The following BPNT1 variants were observed in gnomAD, a reference collection of about 807,000 sequenced individuals.
BPNT1 encodes 3'(2'),5'-bisphosphate nucleotidase 1.
BPNT1 carries 28 observed loss-of-function variants against 36.9 expected under a neutral mutation model. The ratio of observed to expected loss-of-function variants is 0.76; its 90% CI spans 0.56 to 1.04. The LOEUF (loss-of-function observed/expected upper bound fraction) is 1.04, where lower values mean the gene tolerates loss of function less well. Among genes scored for constraint, BPNT1 ranks in the 50% least tolerant of loss-of-function variants. BPNT1 has a pLI of 0.00. For synonymous variants in BPNT1, 119 were observed against 130.9 expected (o/e 0.91, Z 0.62); for missense variants, 313 against 372.9 (o/e 0.84, Z 1.32).
chr1:220,082,029 T>C (rs1349995202), intron 1 of BPNT1, among the ~76,000 whole-genome samples: 1 of 143,948 alleles, frequency 6.9e-6, no homozygotes, highest in Non-Finnish European at 1.5e-5. Flanking sequence ...CATTATTTCA[T>C]CGCAATAAGG....
At chr1:220,077,057 G>A (rs1398822258) in intron 2 of BPNT1, among the ~76,000 whole-genome samples, 1 of 152,096 alleles carries the variant, frequency 6.6e-6, no homozygotes, top group African/African-American at 2.4e-5. Context: ...TTTTAAAACT[G>A]TATGTTATTT....
intron 2 of BPNT1, among the ~76,000 whole-genome samples, chr1:220,075,267 C>T (rs1664442604): frequency 6.6e-6 from 1 of 152,174 alleles, no homozygotes; most frequent in Non-Finnish European, 1.5e-5. Context: ...TGGTCTCAAA[C>T]TCCTGACCTC....
chr1:220,080,773 T>A (rs1415226558), intron 1 of BPNT1, among the ~76,000 whole-genome samples: 1 of 152,178 alleles, frequency 6.6e-6, no homozygotes, highest in Non-Finnish European at 1.5e-5. Context: ...TGCATATAAC[T>A]ACAATTATTT....
intron 4 of BPNT1, among the ~76,000 whole-genome samples, chr1:220,070,406 C>T (rs1211484480): frequency 2.0e-5 from 3 of 152,014 alleles, no homozygotes; most frequent in East Asian, 1.9e-4. Flanking sequence ...AGTGCAGTGG[C>T]GCGATCTCGG....
intron 3 of BPNT1, among the ~76,000 whole-genome samples, chr1:220,073,514 G>C (rs935656691): frequency 6.6e-6 from 1 of 152,024 alleles, no homozygotes; most frequent in Non-Finnish European, 1.5e-5. Context: ...GGCTGGTCTT[G>C]AACTCCTGAC....
At position 220,067,295 on chromosome 1, in the gene BPNT1, G is replaced by C. The variant is rs753972410; in HGVS notation, c.474+7C>G. On this transcript the variant is annotated splice_region_variant and intron_variant, in intron 6 of 8. Transcript: ENST00000322067. ...ATGAAATTACTTTGTATCATTTATA[G>C]TAATACCTCATAGTTGTAATATGGC... The C allele has an allele frequency of 4.5e-6, 7 of 1,546,590 alleles. No homozygotes were observed. The highest frequency in any genetic ancestry group is 6.2e-6 in the Non-Finnish European group (7 of 1,123,974).
At chr1:220,060,687 G>C (rs1419791693) in intron 7 of BPNT1, among the ~76,000 whole-genome samples, 1 of 151,838 alleles carries the variant, frequency 6.6e-6, no homozygotes, top group Non-Finnish European at 1.5e-5. Context: ...AAAAATATTT[G>C]AAGAGATTTA....
chr1:220,088,478 C>CAAAAAA (rs58383315), intron 1 of BPNT1, among the ~76,000 whole-genome samples: 2 of 65,534 alleles, frequency 3.1e-5, no homozygotes, highest in Middle Eastern at 9.3e-3. Flanking sequence ...GACTCCGACT[C>CAAAAAA]AAAAAAAAAA....
chr1:220,078,399 T>TATAAATAATAATTTATAATA (rs1196500301), intron 2 of BPNT1, among the ~76,000 whole-genome samples: 2 of 141,996 alleles, frequency 1.4e-5, no homozygotes, highest in East Asian at 3.9e-4. Context: ...TATAATTATA[T>TATAAATAATAATTTATAATA]ATAAATAATA....
chr1:220,062,995 GAGA>G (rs1178466332), intron 6 of BPNT1, 41 bp from the exon 7 acceptor site: 1 of 1,585,002 alleles, frequency 6.3e-7, no homozygotes, highest in African/African-American at 1.3e-5. Flanking sequence ...TGGTTATTTG[GAGA>G]AGAACGTTAG....
chr1:220,086,740 T>C (rs1026372799), intron 1 of BPNT1, among the ~76,000 whole-genome samples: 5 of 151,450 alleles, frequency 3.3e-5, no homozygotes, highest in African/African-American at 1.2e-4. Flanking sequence ...CATGCCAGGC[T>C]AATTTTTGTA....
intron 6 of BPNT1, among the ~76,000 whole-genome samples, chr1:220,065,414 A>G (rs531659012): frequency 6.6e-6 from 1 of 152,306 alleles, no homozygotes; most frequent in African/African-American, 2.4e-5. Flanking sequence ...TTAAGCTTCA[A>G]TGGTTAAGAA....
intron 1 of BPNT1, among the ~76,000 whole-genome samples, chr1:220,084,057 G>T (rs1327604667): frequency 1.3e-5 from 2 of 152,140 alleles, no homozygotes; most frequent in African/African-American, 2.4e-5. Flanking sequence ...ATAGGGCGGG[G>T]CGCAGTGGCT....
intron 2 of BPNT1, 136 bp downstream of exon 2, chr1:220,079,591 C>G: frequency 9.3e-7 from 1 of 1,079,846 alleles, no homozygotes; most frequent in Non-Finnish European, 1.3e-6. Flanking sequence ...CCCTTTAGAA[C>G]CAAGCGTCTT....
At chr1:220,063,204 C>T (rs1159570631) in intron 6 of BPNT1, among the ~76,000 whole-genome samples, 1 of 151,932 alleles carries the variant, frequency 6.6e-6, no homozygotes, top group Non-Finnish European at 1.5e-5. Flanking sequence ...AAAAATTAGC[C>T]GGGCATGGTG....
chr1:220,088,175 T>A (rs1256885904), intron 1 of BPNT1, among the ~76,000 whole-genome samples: 1 of 151,254 alleles, frequency 6.6e-6, no homozygotes, highest in African/African-American at 2.4e-5. Flanking sequence ...CGGGCCATGA[T>A]TGTTTATTTT....
intron 4 of BPNT1, among the ~76,000 whole-genome samples, chr1:220,071,864 T>C (rs1049643331): frequency 5.3e-5 from 8 of 151,672 alleles, no homozygotes; most frequent in Non-Finnish European, 8.8e-5. Flanking sequence ...ATTTTGTATT[T>C]TTAGAAGAGA....
chr1:220,075,225 G>A (rs1390537802), intron 2 of BPNT1, among the ~76,000 whole-genome samples: 1 of 152,130 alleles, frequency 6.6e-6, no homozygotes, highest in Non-Finnish European at 1.5e-5. Context: ...TGTATTTTTA[G>A]TAGAGATGGG....
intron 1 of BPNT1, among the ~76,000 whole-genome samples, chr1:220,081,407 G>A (rs781715223): frequency 1.3e-5 from 2 of 152,118 alleles, no homozygotes; most frequent in Non-Finnish European, 2.9e-5. Context: ...GCTGGGCATG[G>A]TGTTGCACAC....
Sources: gnomAD v4.1 joint callset for allele counts (sites outside exome capture counted in the v4.1 genomes callset) on GRCh38, gnomAD v4.1.1 for gene constraint, MANE v1.5 for transcripts, NCBI Gene and HGNC (gene_info 2026-07-23, HGNC 2026-07-21) for gene names.